The following C1orf87 variants were observed in gnomAD, a reference collection of about 807,000 sequenced individuals.
The protein encoded by C1orf87 is chromosome 1 open reading frame 87.
In C1orf87, 58 loss-of-function variants were observed where a neutral mutation model predicts 60.5. That is an observed-to-expected ratio of 0.96 (90% CI 0.78 to 1.19). C1orf87 has a LOEUF of 1.19. Among genes scored for constraint, C1orf87 ranks in the 50% most tolerant of loss-of-function variants. The probability of loss-of-function intolerance (pLI) is 0.00; values close to 1 mark genes in which losing one functional copy is unlikely to be tolerated. For missense variants in C1orf87, 673 were observed against 638.6 expected, an observed-to-expected ratio of 1.05 and a Z score of -0.58; for synonymous variants, 236 against 227.4, an observed-to-expected ratio of 1.04 and a Z score of -0.34.
Position 60,064,290 on chromosome 1 carries a change from T to G in C1orf87, c.107+8247A>C, listed in dbSNP as rs181585088. On this transcript the variant is annotated intron_variant, in intron 2 of 11. Coordinates refer to ENST00000371201, the MANE Select transcript of C1orf87 (RefSeq NM_152377.3). Reference sequence around the variant, plus strand: ...TATATCATATATAAATTATATATTATATATATATTTTATATATAATATATA... The same window carrying G: ...TATATCATATATAAATTATATATTAGATATATATTTTATATATAATATATA... Among the ~76,000 whole-genome samples, 7 of 129,150 alleles carry G rather than the reference T, an allele frequency of 5.4e-5. No individual in the cohort carries two copies. In the Admixed American group the frequency reaches 5.5e-4, roughly 10 times the overall value. 84.7% of individuals were successfully genotyped at this position (129,150 alleles called of 152,430 possible). A position where few individuals can be genotyped will look rare whatever the true frequency, so the allele number is the denominator to read the frequency against.
At chr1:60,040,922 C>T in intron 4 of C1orf87, 69 bp downstream of exon 4, 4 of 1,477,748 alleles carry the variant, frequency 2.7e-6, no homozygotes, top group Non-Finnish European at 3.6e-6. Context: ...TGCTCCACAT[C>T]AAGAAATTGA....
At chr1:60,001,975 A>G (rs565115519) in intron 9 of C1orf87, among the ~76,000 whole-genome samples, 66 of 152,240 alleles carry the variant, frequency 4.3e-4, no homozygotes, top group African/African-American at 1.4e-3. Context: ...GCCTTATTGT[A>G]GGTATCCTTC....
intron 8 of C1orf87, among the ~76,000 whole-genome samples, chr1:60,013,638 C>A (rs1246765309): frequency 2.0e-5 from 3 of 149,402 alleles, no homozygotes; most frequent in Non-Finnish European, 1.5e-5. Flanking sequence ...TTGGAGCCTG[C>A]AGAATTGTGG....
At chr1:60,067,361 C>G (rs1645553849) in intron 2 of C1orf87, among the ~76,000 whole-genome samples, 1 of 152,038 alleles carries the variant, frequency 6.6e-6, no homozygotes, top group Admixed American at 6.6e-5. Flanking sequence ...GCCATTCTAA[C>G]TGGTGTGATA....
chr1:60,063,195 A>G (rs1645508549), intron 2 of C1orf87, among the ~76,000 whole-genome samples: 2 of 152,202 alleles, frequency 1.3e-5, no homozygotes, highest in African/African-American at 4.8e-5. Flanking sequence ...GCTATTGTGT[A>G]GATTGTATAG....
chr1:60,030,344 A>G (rs1251183924), intron 7 of C1orf87, among the ~76,000 whole-genome samples: 1 of 152,216 alleles, frequency 6.6e-6, no homozygotes, highest in Non-Finnish European at 1.5e-5. Flanking sequence ...TATAGAAAAC[A>G]CTAAATATGA....
intron 8 of C1orf87, among the ~76,000 whole-genome samples, chr1:60,015,533 A>G (rs1034349989): frequency 6.6e-6 from 1 of 152,170 alleles, no homozygotes; most frequent in African/African-American, 2.4e-5. Flanking sequence ...CTACAAGTCC[A>G]AGATCAAGGT....
intron 8 of C1orf87, among the ~76,000 whole-genome samples, chr1:60,022,982 A>C (rs1645174416): frequency 6.6e-6 from 1 of 152,170 alleles, no homozygotes; most frequent in Admixed American, 6.5e-5. Context: ...TGCACGACTT[A>C]AAACTTATAA....
rs574282138 is a variant in C1orf87, at chr1:60,025,385, A to G, written c.1127+16T>C. Reference sequence around the variant, plus strand: ...GGTGGATACAAACATTCAGTTCTTAATAAGAGTTGACTTACTTTATTTCAT... The same window carrying G: ...GGTGGATACAAACATTCAGTTCTTAGTAAGAGTTGACTTACTTTATTTCAT... On this transcript the variant is annotated intron_variant, in intron 8 of 11. Transcript: ENST00000371201. 11 of 1,585,072 alleles carry G rather than the reference A, an allele frequency of 6.9e-6. No individual in the cohort carries two copies. The South Asian group carries it at 8.9e-5, about 13-fold the overall frequency.
intron 7 of C1orf87, among the ~76,000 whole-genome samples, chr1:60,028,023 A>G (rs1645212155): frequency 6.6e-6 from 1 of 152,188 alleles, no homozygotes; most frequent in African/African-American, 2.4e-5. Flanking sequence ...TGAAAAATAA[A>G]GGATCAATAA....
At chr1:60,066,253 A>G (rs557468830) in intron 2 of C1orf87, among the ~76,000 whole-genome samples, 1 of 152,280 alleles carries the variant, frequency 6.6e-6, no homozygotes, top group Non-Finnish European at 1.5e-5. Context: ...TCTGTAACAT[A>G]TGATGCTGTT....
In C1orf87 at chr1:59,990,666, C is replaced by T. The variant is rs756804507; in HGVS notation, c.*7G>A. ...GAAACATCTGTTCTCACAATATGGG[C>T]TTGTTATCATAGCTCCTTTAAGTAC... is the stretch of plus-strand genomic sequence containing the variant. On this transcript the variant is annotated 3_prime_UTR_variant, in exon 12 of 12. Transcript: ENST00000371201. 1 of 1,613,506 alleles carries T rather than the reference C, an allele frequency of 6.2e-7. No homozygotes were observed. The highest frequency in any genetic ancestry group is 1.1e-5 in the South Asian group (1 of 91,002).
At chr1:60,026,927 A>G (rs1279153810) in intron 7 of C1orf87, among the ~76,000 whole-genome samples, 1 of 152,238 alleles carries the variant, frequency 6.6e-6, no homozygotes, top group Non-Finnish European at 1.5e-5. Flanking sequence ...AGTGATATAC[A>G]AAACATAAAT....
intron 9 of C1orf87, among the ~76,000 whole-genome samples, chr1:60,004,702 C>A (rs1645030400): frequency 6.6e-6 from 1 of 151,806 alleles, no homozygotes; most frequent in Non-Finnish European, 1.5e-5. Flanking sequence ...TCTAACACAG[C>A]AAGAAGGATA....
intron 2 of C1orf87, among the ~76,000 whole-genome samples, chr1:60,065,637 A>G (rs1645540946): frequency 6.6e-6 from 1 of 152,138 alleles, no homozygotes; most frequent in African/African-American, 2.4e-5. Flanking sequence ...TGCTCAGTTA[A>G]TATTTGTGAA....
In C1orf87 at chr1:60,025,448, C is replaced by T. The variant is rs201034247; in HGVS notation, c.1080G>A (p.Leu360=). Residue 360 remains leucine, a synonymous_variant, in exon 8 of 12, where the codon CTG becomes CTA. Transcript: ENST00000371201. ...AATCTTGATGGTTAAGCAATGTTTC[C>T]AGCAGGCTCAGGGTCAGATATAATC... is the stretch of plus-strand genomic sequence containing the variant. ...KHGLYLTLSL[L]ETLLNHQDLG... 9.9e-6 allele frequency: 16 copies of T among 1,612,890 alleles called. No homozygotes were observed. Among genetic ancestry groups the T allele is most frequent in the Non-Finnish European group, 1.2e-5 (14 of 1,179,492 alleles).
At chr1:60,064,939 A>T (rs1376106409) in intron 2 of C1orf87, among the ~76,000 whole-genome samples, 2 of 56,546 alleles carry the variant, frequency 3.5e-5, no homozygotes, top group Non-Finnish European at 7.0e-5. Flanking sequence ...ATATAATATA[A>T]AATATATAAT....
Position 59,990,499 on chromosome 1 carries a change from T to C in C1orf87, c.*174A>G. 1 of 752,124 alleles carries C rather than the reference T, an allele frequency of 1.3e-6. No homozygotes were observed. Among genetic ancestry groups the C allele is most frequent in the Non-Finnish European group, 2.1e-6 (1 of 465,848 alleles). 46.6% of individuals were successfully genotyped at this position (752,124 alleles called of 1,614,324 possible). ...GTTTCCTCTGATCACTTTGAACTGC[T>C]TATGAGTGAGCATCATAGCCAGAAA... On this transcript the variant is annotated 3_prime_UTR_variant, in exon 12 of 12. Transcript: ENST00000371201.
intron 1 of C1orf87, among the ~76,000 whole-genome samples, 166 bp from the exon 2 acceptor site, chr1:60,072,836 A>T (rs1645593547): frequency 6.6e-6 from 1 of 152,188 alleles, no homozygotes; most frequent in African/African-American, 2.4e-5. Context: ...TTTAACTACT[A>T]TTATCATTTT....
Sources: gnomAD v4.1 joint callset for allele counts (sites outside exome capture counted in the v4.1 genomes callset) on GRCh38, gnomAD v4.1.1 for gene constraint, MANE v1.5 for transcripts, NCBI Gene and HGNC (gene_info 2026-07-23, HGNC 2026-07-21) for gene names.